Variants in SPATA17 observed in about 807,000 individuals in gnomAD.
SPATA17 encodes the protein spermatogenesis-associated protein 17.
Under a neutral mutation model 62.2 loss-of-function variants are expected in SPATA17, and 53 were observed. The observed-to-expected ratio is 0.85, with a 90% CI of 0.68 to 1.07. The LOEUF is 1.07. SPATA17 is among the 50% of genes least tolerant of loss of function. The probability of loss-of-function intolerance (pLI) is 0.00; values close to 1 mark genes in which losing one functional copy is unlikely to be tolerated. For synonymous variants in SPATA17, 146 were observed against 146.8 expected (o/e 0.99, Z 0.04); for missense variants, 466 against 425.5 (o/e 1.10, Z -0.84).
rs141251731 is a variant in SPATA17 at position 217,816,442 on chromosome 1, T to C, written c.1005+14592T>C. On this transcript the variant is annotated intron_variant, in intron 9 of 10. Coordinates refer to ENST00000366933, the MANE Select transcript of SPATA17 (RefSeq NM_138796.4). Reference sequence around the variant, plus strand: ...GCACTTAGGTTTACTAGGTAGATAATTATATCATCTGCACATATTTATATA... The same window carrying C: ...GCACTTAGGTTTACTAGGTAGATAACTATATCATCTGCACATATTTATATA... Among the ~76,000 whole-genome samples, 334 of 151,830 alleles carry C rather than the reference T, an allele frequency of 2.2e-3. 2 individuals are homozygous for C. The highest frequency in any genetic ancestry group is 6.6e-3 in the African/African-American group (276 of 41,568).
At chr1:217,819,083 CT>C (rs1339734576) in intron 9 of SPATA17, among the ~76,000 whole-genome samples, 1 of 151,138 alleles carries the variant, frequency 6.6e-6, no homozygotes. Context: ...TAAACTATTT[CT>C]TAATTTTTGT....
intron 5 of SPATA17, among the ~76,000 whole-genome samples, chr1:217,690,571 GC>G (rs1671328337): frequency 1.5e-5 from 2 of 136,282 alleles, no homozygotes; most frequent in African/African-American, 5.5e-5. Context: ...CATGTGCCAT[GC>G]TGGTGCGCTG....
At chr1:217,756,534 A>C (rs999282159) in intron 6 of SPATA17, among the ~76,000 whole-genome samples, 2 of 152,130 alleles carry the variant, frequency 1.3e-5, no homozygotes, top group Admixed American at 6.5e-5. Context: ...CTTTAAGAAT[A>C]TTTTCCTGGA....
chr1:217,748,361 T>C (rs1341949710), intron 6 of SPATA17, among the ~76,000 whole-genome samples: 4 of 151,892 alleles, frequency 2.6e-5, no homozygotes, highest in African/African-American at 9.7e-5. Flanking sequence ...TCTGTTGATA[T>C]GAAAAACAGT....
chr1:217,795,692 G>C (rs1421430930), intron 8 of SPATA17, among the ~76,000 whole-genome samples: 1 of 151,844 alleles, frequency 6.6e-6, no homozygotes, highest in Non-Finnish European at 1.5e-5. Context: ...TGACTTCATG[G>C]AGCAAATGGC....
At chr1:217,774,635 A>G in intron 7 of SPATA17, 98 bp downstream of exon 7, 3 of 1,016,166 alleles carry the variant, frequency 3.0e-6, no homozygotes, top group Non-Finnish European at 4.3e-6. Context: ...ATTTTTAATT[A>G]TATAGTTTAG....
intron 8 of SPATA17, among the ~76,000 whole-genome samples, chr1:217,785,354 C>T (rs1001439428): frequency 3.3e-5 from 5 of 152,076 alleles, no homozygotes; most frequent in South Asian, 2.1e-4. Context: ...CAGTTCCAAA[C>T]GCTGTACAGG....
intron 9 of SPATA17, among the ~76,000 whole-genome samples, chr1:217,804,460 G>A (rs561205404): frequency 7.9e-5 from 12 of 152,080 alleles, no homozygotes; most frequent in African/African-American, 2.2e-4. Context: ...TAGGAAAAAA[G>A]CTTCTTGACA....
At chr1:217,845,709 A>G (rs1675508901) in intron 9 of SPATA17, among the ~76,000 whole-genome samples, 1 of 152,264 alleles carries the variant, frequency 6.6e-6, no homozygotes, top group African/African-American at 2.4e-5. Flanking sequence ...AAAAGAAAGT[A>G]AGGAGAAGTT....
At chr1:217,795,272 A>G (rs979524907) in intron 8 of SPATA17, among the ~76,000 whole-genome samples, 1 of 151,082 alleles carries the variant, frequency 6.6e-6, no homozygotes, top group African/African-American at 2.4e-5. Flanking sequence ...TTGCAAGTGT[A>G]TTCACTCAAC....
intron 5 of SPATA17, among the ~76,000 whole-genome samples, chr1:217,693,289 G>T (rs1444418399): frequency 1.6e-5 from 2 of 121,768 alleles, no homozygotes; most frequent in African/African-American, 6.2e-5. Context: ...AGAGGTGTTT[G>T]TAGTATTCTC....
rs577508830 is a variant in SPATA17, at chr1:217,683,649, C to T, written c.395+288C>T. Among the ~76,000 whole-genome samples the T allele has an allele frequency of 1.5e-4, 23 of 152,204 alleles. No homozygotes were observed. The East Asian group carries it at 4.1e-3, about 27-fold the overall frequency. ...TAGAGACGGGGTTTCACCATATTGGCCAGGCTGGTCTCGAACTCCTGACCT... is the reference window on the plus strand; with the variant it reads ...TAGAGACGGGGTTTCACCATATTGGTCAGGCTGGTCTCGAACTCCTGACCT... On this transcript the variant is annotated intron_variant, in intron 5 of 10. Coordinates refer to ENST00000366933, the MANE Select transcript of SPATA17 (RefSeq NM_138796.4).
At chr1:217,689,485 C>A in intron 5 of SPATA17, among the ~76,000 whole-genome samples, 1 of 152,070 alleles carries the variant, frequency 6.6e-6, no homozygotes, top group Admixed American at 6.6e-5. Flanking sequence ...CTTGGCTTCC[C>A]AAAGTGCTGG....
chr1:217,788,737 G>A (rs576058156), intron 8 of SPATA17, among the ~76,000 whole-genome samples: 3 of 152,250 alleles, frequency 2.0e-5, no homozygotes, highest in South Asian at 2.1e-4. Context: ...TAGAAGGAAC[G>A]AAGTCCTGCC....
chr1:217,729,210 G>T (rs939719975), intron 5 of SPATA17, among the ~76,000 whole-genome samples: 1 of 152,152 alleles, frequency 6.6e-6, no homozygotes, highest in African/African-American at 2.4e-5. Context: ...AATTCCCTCT[G>T]TAAGGCTTTT....
intron 5 of SPATA17, among the ~76,000 whole-genome samples, chr1:217,738,135 G>A (rs1672553617): frequency 6.6e-6 from 1 of 152,154 alleles, no homozygotes; most frequent in African/African-American, 2.4e-5. Context: ...CATGCTTGCT[G>A]TCTTTAGCCA....
At chr1:217,763,182 T>A (rs1673214485) in intron 6 of SPATA17, among the ~76,000 whole-genome samples, 2 of 152,194 alleles carry the variant, frequency 1.3e-5, no homozygotes, top group Admixed American at 6.5e-5. Context: ...TAAACTGGAC[T>A]TGGGGAGATA....
At chr1:217,844,549 C>G (rs1239605732) in intron 9 of SPATA17, among the ~76,000 whole-genome samples, 1 of 152,064 alleles carries the variant, frequency 6.6e-6, no homozygotes, top group African/African-American at 2.4e-5. Flanking sequence ...GGACTGACAT[C>G]TTCAATCATG....
chr1:217,763,016 A>G (rs1673210544), intron 6 of SPATA17, among the ~76,000 whole-genome samples: 1 of 152,204 alleles, frequency 6.6e-6, no homozygotes, highest in Non-Finnish European at 1.5e-5. Flanking sequence ...AAATGCTCAG[A>G]CACATGCTTC....
Sources: gnomAD v4.1 joint callset for allele counts (sites outside exome capture counted in the v4.1 genomes callset) on GRCh38, gnomAD v4.1.1 for gene constraint, MANE v1.5 for transcripts, NCBI Gene and HGNC (gene_info 2026-07-23, HGNC 2026-07-21) for gene names.